WARS1: variants seen among roughly 807,000 people sequenced by gnomAD.
The protein encoded by WARS1 is tryptophan--tRNA ligase, cytoplasmic.
WARS1 carries 17 observed loss-of-function variants against 47.8 expected under a neutral mutation model. The observed-to-expected ratio is 0.36, with a 90% CI of 0.24 to 0.53. The LOEUF (loss-of-function observed/expected upper bound fraction) is 0.53, where lower values mean the gene tolerates loss of function less well. WARS1 is among the 20% of genes least tolerant of loss of function. WARS1 has a pLI of 0.91. For missense variants in WARS1, 434 were observed against 608.0 expected (o/e 0.71, Z 3.01); for synonymous variants, 208 against 228.1 (o/e 0.91, Z 0.79).
At chr14:100,360,517 G>A (rs1388904466) in intron 4 of WARS1, 37 bp downstream of exon 4, 1 of 1,503,336 alleles carries the variant, frequency 6.7e-7, no homozygotes, top group Admixed American at 1.9e-5. Context: ...TAAAAGAAGA[G>A]GACAGGTGAG....
At chr14:100,358,192 G>A (rs1190256082) in intron 4 of WARS1, among the ~76,000 whole-genome samples, 3 of 152,082 alleles carry the variant, frequency 2.0e-5, no homozygotes, top group Non-Finnish European at 4.4e-5. Flanking sequence ...GAGTGCAGTG[G>A]CGCGATCTCG....
intron 2 of WARS1, among the ~76,000 whole-genome samples, chr14:100,367,532 G>A (rs1376221337): frequency 7.1e-6 from 1 of 140,380 alleles, no homozygotes; most frequent in African/African-American, 2.6e-5. Context: ...AGGTTGCGGT[G>A]AGTCGAGATT....
chr14:100,367,263 T>C (rs1896054897), intron 2 of WARS1, among the ~76,000 whole-genome samples: 3 of 151,984 alleles, frequency 2.0e-5, no homozygotes, highest in African/African-American at 4.8e-5. Context: ...AAAGAAATCA[T>C]GATTTCTGAG....
At chr14:100,349,307 C>T (rs1263174292) in intron 6 of WARS1, among the ~76,000 whole-genome samples, 2 of 152,200 alleles carry the variant, frequency 1.3e-5, no homozygotes, top group Non-Finnish European at 2.9e-5. Context: ...GATTGATCAC[C>T]TGTTAGCTGA....
Position 100,360,565 on chromosome 14 carries a change from G to A in WARS1, c.411C>T (p.Phe137=). ...RPHHFLRRGI[F]FSHRDMNQVL... is the part of the protein sequence containing the mutation. ...GAAGAGCCCCTGACCTGTGTGAGAA[G>A]AAGATGCCTCTGCGCAGGAAGTGGT... The change falls in exon 4 of 11, where the codon TTC becomes TTT. Residue 137 remains phenylalanine (F), a synonymous_variant. Transcript: ENST00000392882. 1 of 1,613,044 alleles carries A rather than the reference G, an allele frequency of 6.2e-7. No individual in the cohort carries two copies. The highest frequency in any genetic ancestry group is 8.5e-7 in the Non-Finnish European group (1 of 1,179,198).
At chr14:100,337,737 A>G (rs1386416669) in intron 9 of WARS1, among the ~76,000 whole-genome samples, 1 of 150,696 alleles carries the variant, frequency 6.6e-6, no homozygotes, top group Non-Finnish European at 1.5e-5. Context: ...GTGCGCCTGT[A>G]GTCCTAGCGA....
At chr14:100,366,909 A>C in intron 2 of WARS1, 2 of 1,609,564 alleles carry the variant, frequency 1.2e-6, no homozygotes, top group South Asian at 1.1e-5. Context: ...AATAAAGATA[A>C]GAAGCATCAC....
In WARS1 at chr14:100,342,576, G is replaced by T. The variant is rs750601972; in HGVS notation, c.940-5C>A. 1.2e-6 allele frequency: 2 copies of T among 1,607,684 alleles called. No homozygotes were observed. Among genetic ancestry groups the T allele is most frequent in the Non-Finnish European group, 8.5e-7 (1 of 1,176,738 alleles). ...TGTCATTCTAAAGTAAGGATCCTGTGGGGAGAGTAAGGACCCTGATGAGGG... is the reference window on the plus strand; with the variant it reads ...TGTCATTCTAAAGTAAGGATCCTGTTGGGAGAGTAAGGACCCTGATGAGGG... On this transcript the variant is annotated splice_polypyrimidine_tract_variant and splice_region_variant and intron_variant, in intron 8 of 10. Coordinates refer to ENST00000392882, the MANE Select transcript of WARS1 (RefSeq NM_004184.4).
chr14:100,356,795 G>C (rs1183465841), intron 4 of WARS1, among the ~76,000 whole-genome samples: 1 of 152,022 alleles, frequency 6.6e-6, no homozygotes, highest in East Asian at 1.9e-4. Context: ...CATTCTATGA[G>C]GCCAGTATTA....
intron 2 of WARS1, 119 bp from the exon 3 acceptor site, chr14:100,362,040 T>C: frequency 9.7e-7 from 1 of 1,029,438 alleles, no homozygotes; most frequent in East Asian, 2.6e-5. Flanking sequence ...TTAGTTAGTG[T>C]CACAACCCTA....
chr14:100,344,065 C>G (rs1057460833), intron 7 of WARS1, among the ~76,000 whole-genome samples: 2 of 17,688 alleles, frequency 1.1e-4, no homozygotes, highest in African/African-American at 1.9e-4. Context: ...GATGGCTTCC[C>G]TCTTCCCTCT....
At chr14:100,366,217 G>A (rs1275266640) in intron 2 of WARS1, 2 of 417,388 alleles carry the variant, frequency 4.8e-6, no homozygotes, top group Admixed American at 2.6e-5. Flanking sequence ...CCACTCAGCC[G>A]TAGAACTCTG....
chr14:100,340,808 C>A (rs1566837453), intron 9 of WARS1, among the ~76,000 whole-genome samples: 1 of 152,256 alleles, frequency 6.6e-6, no homozygotes, highest in East Asian at 1.9e-4. Context: ...CGTCTGTAGG[C>A]CTCTGTTTTT....
intron 9 of WARS1, among the ~76,000 whole-genome samples, chr14:100,339,124 T>TACACACAC (rs796168229): frequency 4.2e-5 from 6 of 144,430 alleles, no homozygotes; most frequent in African/African-American, 1.6e-4. Context: ...CACACACACA[T>TACACACAC]ACACACACAC....
chr14:100,373,827 TGTGTGTG>T lies in WARS1; in HGVS notation c.-74+1449_-74+1455del, dbSNP rs1311542448. ...AATCATCCACACTATTGAAATCTTG[TGTGTGTG>T]TGTGTGTGTGTGTGTGTGTGTGTGT... On this transcript the variant is annotated intron_variant, in intron 1 of 10. Coordinates refer to ENST00000392882, the MANE Select transcript of WARS1 (RefSeq NM_004184.4). This position sits in a 1 kb window ranked among gnomAD's most constrained non-coding sequence, Gnocchi z 4.4. Among the ~76,000 whole-genome samples, 4 of 306 alleles carry T rather than the reference TGTGTGTG, an allele frequency of 0.013. No individual in the cohort carries two copies. Among genetic ancestry groups the T allele is most frequent in the South Asian group, 0.1 (1 of 10 alleles). The allele number at this position is 306 out of a possible 152,430, so 0.2% of individuals were successfully genotyped here. A position where few individuals can be genotyped will look rare whatever the true frequency, so the allele number is the denominator to read the frequency against.
chr14:100,351,543 A>G (rs1305395591), intron 6 of WARS1, among the ~76,000 whole-genome samples: 14 of 150,886 alleles, frequency 9.3e-5, no homozygotes, highest in Admixed American at 9.3e-4. Context: ...GATGACATCT[A>G]TGTTCTTGTT....
At chr14:100,366,785 A>G (rs913392861) in intron 2 of WARS1, 16 of 1,183,314 alleles carry the variant, frequency 1.4e-5, no homozygotes, top group Non-Finnish European at 2.0e-5. Context: ...TTGAAGATAC[A>G]TGGGTGGCTT....
At chr14:100,336,225 G>A (rs895647685) in intron 10 of WARS1, among the ~76,000 whole-genome samples, 10 of 142,742 alleles carry the variant, frequency 7.0e-5, no homozygotes, top group Non-Finnish European at 1.4e-4. Flanking sequence ...GCAGTGAGCC[G>A]AGATTGCGCC....
chr14:100,345,260 T>G (rs1441781192), intron 7 of WARS1, among the ~76,000 whole-genome samples: 1 of 151,642 alleles, frequency 6.6e-6, no homozygotes, highest in Non-Finnish European at 1.5e-5. Context: ...GATTGAGAAA[T>G]CGGATGGTTG....
Sources: allele counts gnomAD v4.1 joint callset (sites outside exome capture counted in the v4.1 genomes callset), GRCh38; gene constraint gnomAD v4.1.1; non-coding constraint Gnocchi (gnomAD v3.1); transcripts MANE v1.5; gene names NCBI Gene and HGNC (gene_info 2026-07-23, HGNC 2026-07-21).